Variants in ALK observed in about 807,000 individuals in gnomAD.
ALK encodes ALK receptor tyrosine kinase, also known as ALK tyrosine kinase receptor.
ALK carries 74 observed loss-of-function variants against 163.1 expected under a neutral mutation model. The observed-to-expected ratio is 0.45, with a 90% CI of 0.38 to 0.55. The LOEUF is 0.55. Ranked by LOEUF, ALK falls within the 20% of genes least tolerant of loss-of-function variation. ALK has a pLI of 0.00. For missense variants in ALK, 2,063 were observed against 2,105.3 expected (o/e 0.98, Z 0.39); for synonymous variants, 960 against 843.2 (o/e 1.14, Z -2.40).
At chr2:29,607,511 T>C (rs1381360368) in intron 3 of ALK, among the ~76,000 whole-genome samples, 8 of 152,156 alleles carry the variant, frequency 5.3e-5, no homozygotes, top group African/African-American at 1.4e-4. Flanking sequence ...TCAGGCTTTC[T>C]CCCTCACCAC....
At chr2:29,304,082 C>A (rs1261561622) in intron 8 of ALK, among the ~76,000 whole-genome samples, 1 of 152,220 alleles carries the variant, frequency 6.6e-6, no homozygotes, top group Non-Finnish European at 1.5e-5. Context: ...TGGCCTACTT[C>A]TCACCTGTAG....
At chr2:29,703,894 C>T (rs1311492654) in intron 2 of ALK, among the ~76,000 whole-genome samples, 5 of 152,152 alleles carry the variant, frequency 3.3e-5, no homozygotes, top group Admixed American at 2.6e-4. Context: ...CCTTCACATA[C>T]AGTGTGGAGG....
chr2:29,589,198 AGTT>A (rs1405014674), intron 3 of ALK, among the ~76,000 whole-genome samples: 12 of 152,186 alleles, frequency 7.9e-5, no homozygotes, highest in Admixed American at 6.5e-4. Flanking sequence ...CCTGTTTATA[AGTT>A]AGAGAAGATT....
chr2:29,917,758 G>C (rs1414650452), intron 1 of ALK, among the ~76,000 whole-genome samples: 1 of 152,224 alleles, frequency 6.6e-6, no homozygotes. Flanking sequence ...TCTCTCTGGA[G>C]GTCATGGGGA....
intron 5 of ALK, among the ~76,000 whole-genome samples, chr2:29,371,737 T>A (rs1668642062): frequency 1.3e-5 from 2 of 152,164 alleles, no homozygotes. Flanking sequence ...TAGTCTCTGG[T>A]GTCACCTCAG....
At chr2:29,453,736 G>A (rs1416331626) in intron 4 of ALK, among the ~76,000 whole-genome samples, 1 of 152,042 alleles carries the variant, frequency 6.6e-6, no homozygotes, top group Admixed American at 6.6e-5. Flanking sequence ...AGAAAAAGAG[G>A]AAGGGAAGAC....
chr2:29,559,001 C>G (rs1039662547), intron 3 of ALK, among the ~76,000 whole-genome samples: 1 of 152,146 alleles, frequency 6.6e-6, no homozygotes, highest in Non-Finnish European at 1.5e-5. Flanking sequence ...TATAAACATG[C>G]ACAGGTGGGC....
chr2:29,282,425 A>T (rs77734716), intron 9 of ALK, among the ~76,000 whole-genome samples: 6,608 of 152,196 alleles, frequency 0.043, 197 homozygotes, highest in Middle Eastern at 0.065. Context: ...GATTCCTGGG[A>T]CCATCCTTGG....
intron 1 of ALK, among the ~76,000 whole-genome samples, chr2:29,848,249 T>C (rs184418529): frequency 7.4e-4 from 111 of 150,914 alleles, no homozygotes; most frequent in Middle Eastern, 6.8e-3. Flanking sequence ...AATTGATATT[T>C]TGAATTGCAT....
intron 3 of ALK, among the ~76,000 whole-genome samples, chr2:29,629,818 G>A (rs1022045958): frequency 6.6e-6 from 1 of 152,142 alleles, no homozygotes; most frequent in Non-Finnish European, 1.5e-5. Context: ...AAGTCACACT[G>A]AGGCAGGTGA....
chr2:29,323,831 GC>G (rs1667152043), intron 6 of ALK, among the ~76,000 whole-genome samples: 1 of 152,078 alleles, frequency 6.6e-6, no homozygotes, highest in Non-Finnish European at 1.5e-5. Context: ...CTTCTCATTC[GC>G]CCCAAGCTCC....
At chr2:29,400,062 T>C (rs1669406293) in intron 4 of ALK, among the ~76,000 whole-genome samples, 1 of 152,192 alleles carries the variant, frequency 6.6e-6, no homozygotes, top group Non-Finnish European at 1.5e-5. Context: ...TGTATGTTTG[T>C]GGGCATGGGC....
intron 3 of ALK, among the ~76,000 whole-genome samples, chr2:29,559,720 C>A (rs149828192): frequency 6.6e-6 from 1 of 151,270 alleles, no homozygotes; most frequent in Non-Finnish European, 1.5e-5. Context: ...GAGGGTGGAG[C>A]TGCTGTGCCT....
At chr2:29,226,810 G>T (rs1664009797) in intron 18 of ALK, 112 bp downstream of exon 18, 1 of 1,394,346 alleles carries the variant, frequency 7.2e-7, no homozygotes, top group Admixed American at 1.7e-5. Flanking sequence ...GGGAGGGACA[G>T]AAAGTTTACA....
chr2:29,575,895 G>T (rs536961307), intron 3 of ALK, among the ~76,000 whole-genome samples: 1 of 152,260 alleles, frequency 6.6e-6, no homozygotes, highest in African/African-American at 2.4e-5. Context: ...CAGGGGTGTG[G>T]CTGATGGGCT....
At chr2:29,431,944 A>C (rs1400476862) in intron 4 of ALK, among the ~76,000 whole-genome samples, 3 of 151,134 alleles carry the variant, frequency 2.0e-5, no homozygotes, top group African/African-American at 7.3e-5. Context: ...CGTCCCGTCC[A>C]GTCCCGTCCC....
chr2:29,273,482 G>A (rs1665448469), intron 11 of ALK, among the ~76,000 whole-genome samples: 1 of 152,224 alleles, frequency 6.6e-6, no homozygotes, highest in Non-Finnish European at 1.5e-5. Context: ...TAGTCTGAGT[G>A]GCCATTGGGC....
At chr2:29,452,323 G>GTTTTTTTT (rs1221437780) in intron 4 of ALK, among the ~76,000 whole-genome samples, 3 of 79,494 alleles carry the variant, frequency 3.8e-5, no homozygotes, top group African/African-American at 1.3e-4. Context: ...TCTCACTCAA[G>GTTTTTTTT]TTTTTTTTGT....
intron 1 of ALK, among the ~76,000 whole-genome samples, chr2:29,852,108 C>A (rs1260361147): frequency 2.0e-5 from 3 of 152,192 alleles, no homozygotes; most frequent in African/African-American, 4.8e-5. Flanking sequence ...TAGATGCCAG[C>A]ACAGGAATAA....
Sources: gnomAD v4.1 joint callset for allele counts (sites outside exome capture counted in the v4.1 genomes callset) on GRCh38, gnomAD v4.1.1 for gene constraint, MANE v1.5 for transcripts, NCBI Gene and HGNC (gene_info 2026-07-23, HGNC 2026-07-21) for gene names.